The following CAP2 variants were observed in gnomAD, a reference collection of about 807,000 sequenced individuals.
CAP2 encodes the protein adenylyl cyclase-associated protein 2.
A neutral mutation model predicts 57.7 loss-of-function variants in CAP2; 24 were observed. The ratio of observed to expected loss-of-function variants is 0.42; its 90% CI spans 0.30 to 0.58. CAP2 has a LOEUF of 0.58. CAP2 is among the 20% of genes least tolerant of loss of function. The pLI, the probability that CAP2 is intolerant of heterozygous loss-of-function variation, is 0.22. For synonymous variants in CAP2, 194 were observed against 207.2 expected (o/e 0.94, Z 0.55); for missense variants, 501 against 590.3 (o/e 0.85, Z 1.57).
intron 1 of CAP2, among the ~76,000 whole-genome samples, chr6:17,410,333 T>A (rs1414018546): frequency 6.6e-6 from 1 of 152,188 alleles, no homozygotes; most frequent in Non-Finnish European, 1.5e-5. Context: ...AACTACTGCA[T>A]CAGTATTGCT....
intron 4 of CAP2, among the ~76,000 whole-genome samples, chr6:17,483,308 A>T (rs561498999): frequency 6.6e-6 from 1 of 152,232 alleles, no homozygotes; most frequent in Non-Finnish European, 1.5e-5. Context: ...GTACATAGAT[A>T]GCATTCAGCA....
intron 4 of CAP2, among the ~76,000 whole-genome samples, chr6:17,474,662 GTC>G (rs1280850518): frequency 6.6e-6 from 1 of 152,106 alleles, no homozygotes; most frequent in African/African-American, 2.4e-5. Context: ...CTATGTAGTA[GTC>G]TCTGTCAAAC....
intron 4 of CAP2, among the ~76,000 whole-genome samples, chr6:17,495,125 A>C (rs774708236): frequency 6.6e-6 from 1 of 152,146 alleles, no homozygotes; most frequent in Non-Finnish European, 1.5e-5. Flanking sequence ...CTTGTCATAA[A>C]TAAATAAATA....
chr6:17,518,811 T>A (rs1283205169), intron 7 of CAP2, among the ~76,000 whole-genome samples: 2 of 151,968 alleles, frequency 1.3e-5, no homozygotes, highest in Non-Finnish European at 2.9e-5. Flanking sequence ...CTAATTTTTT[T>A]ATTTTTTGTA....
chr6:17,466,073 G>A (rs1342992265), intron 4 of CAP2, among the ~76,000 whole-genome samples: 2 of 152,128 alleles, frequency 1.3e-5, no homozygotes, highest in African/African-American at 2.4e-5. Context: ...ATACACAATC[G>A]CCACAGTGGT....
At chr6:17,447,772 A>G (rs1409695745) in intron 3 of CAP2, among the ~76,000 whole-genome samples, 1 of 152,240 alleles carries the variant, frequency 6.6e-6, no homozygotes, top group Non-Finnish European at 1.5e-5. Context: ...TGCTGGGATT[A>G]CAGGCTTGAG....
chr6:17,482,896 C>A (rs975745181), intron 4 of CAP2, among the ~76,000 whole-genome samples: 3 of 152,202 alleles, frequency 2.0e-5, no homozygotes, highest in Non-Finnish European at 4.4e-5. Flanking sequence ...CCACTCAGCC[C>A]GTAACACTAG....
At chr6:17,436,291 T>G (rs1759886720) in intron 3 of CAP2, among the ~76,000 whole-genome samples, 1 of 151,944 alleles carries the variant, frequency 6.6e-6, no homozygotes, top group South Asian at 2.1e-4. Context: ...TCCAGCTAAT[T>G]TGTTTTTTCT....
chr6:17,499,184 AG>A (rs1487375528), intron 4 of CAP2, among the ~76,000 whole-genome samples: 1 of 151,328 alleles, frequency 6.6e-6, no homozygotes, highest in African/African-American at 2.4e-5. Flanking sequence ...AGATCATTTG[AG>A]GTCAGGAGTT....
In CAP2 at chr6:17,433,575, G is replaced by A. The variant is rs545448137; in HGVS notation, c.222+6885G>A. On this transcript the variant is annotated intron_variant, in intron 3 of 12. Coordinates refer to ENST00000229922, the MANE Select transcript of CAP2 (RefSeq NM_006366.3). ...TGTGCCTCTTAGTGACCAGGAGAAT[G>A]CTGCCTCCAGGACAGAACTCTGTCC... Among the ~76,000 whole-genome samples the A allele has an allele frequency of 4.6e-5, 7 of 152,356 alleles. No homozygotes were observed. The East Asian group carries it at 1.2e-3, about 25-fold the overall frequency.
At chr6:17,446,999 G>C (rs1220975395) in intron 3 of CAP2, among the ~76,000 whole-genome samples, 1 of 152,028 alleles carries the variant, frequency 6.6e-6, no homozygotes, top group Non-Finnish European at 1.5e-5. Context: ...GGTGGACCTG[G>C]TTCATGAATG....
chr6:17,446,303 A>C (rs1561786605), intron 3 of CAP2, among the ~76,000 whole-genome samples: 1 of 152,224 alleles, frequency 6.6e-6, no homozygotes, highest in Non-Finnish European at 1.5e-5. Context: ...AAAGTCAAAG[A>C]CATAAATAGG....
At position 17,463,250 on chromosome 6, in the gene CAP2, C is replaced by G. The variant is rs151328050; in HGVS notation, c.300+177C>G. Among the ~76,000 whole-genome samples, 451 of 150,124 alleles carry G rather than the reference C, an allele frequency of 3.0e-3. 3 individuals are homozygous for G. The highest frequency in any genetic ancestry group is 0.01 in the African/African-American group (419 of 40,568). ...TAGAACAATTCTTCTCTCTCCTAAT[C>G]TCATTAATAGTAGACAAGTTTTTTT... On this transcript the variant is annotated intron_variant, in intron 4 of 12. Coordinates refer to ENST00000229922, the MANE Select transcript of CAP2 (RefSeq NM_006366.3).
chr6:17,531,392 A>G, intron 7 of CAP2: 1 of 1,594,292 alleles, frequency 6.3e-7, no homozygotes, highest in African/African-American at 1.3e-5. Context: ...TTCTGCAGGT[A>G]CATAGAAGTT....
intron 4 of CAP2, among the ~76,000 whole-genome samples, chr6:17,505,842 G>T (rs371333626): frequency 6.6e-6 from 1 of 152,128 alleles, no homozygotes; most frequent in South Asian, 2.1e-4. Context: ...ATCTAGCTCC[G>T]AGATACTTTA....
chr6:17,460,972 A>G (rs1445378467), intron 3 of CAP2, among the ~76,000 whole-genome samples: 1 of 152,168 alleles, frequency 6.6e-6, no homozygotes, highest in Non-Finnish European at 1.5e-5. Flanking sequence ...ACATAGCAAG[A>G]ACTTACCTCT....
intron 7 of CAP2, among the ~76,000 whole-genome samples, chr6:17,528,663 C>T (rs182086813): frequency 5.3e-5 from 8 of 152,172 alleles, no homozygotes; most frequent in African/African-American, 9.6e-5. Flanking sequence ...CTGAAGAAAA[C>T]GGATCCAAAT....
chr6:17,448,583 A>T (rs1432773443), intron 3 of CAP2, among the ~76,000 whole-genome samples: 1 of 152,214 alleles, frequency 6.6e-6, no homozygotes, highest in Admixed American at 6.5e-5. Context: ...ATCTTTTAAA[A>T]TATAAATTGC....
At chr6:17,472,100 C>T (rs1312238833) in intron 4 of CAP2, among the ~76,000 whole-genome samples, 1 of 24,592 alleles carries the variant, frequency 4.1e-5, no homozygotes, top group African/African-American at 4.2e-4. Flanking sequence ...TTTGGGAGGC[C>T]GAGGCGGGCG....
Sources: gnomAD v4.1 joint callset for allele counts (sites outside exome capture counted in the v4.1 genomes callset) on GRCh38, gnomAD v4.1.1 for gene constraint, MANE v1.5 for transcripts, NCBI Gene and HGNC (gene_info 2026-07-23, HGNC 2026-07-21) for gene names.